Variants in HEXB observed in about 807,000 individuals in gnomAD.
The protein encoded by HEXB is beta-hexosaminidase subunit beta.
In HEXB, 51 loss-of-function variants were observed where a neutral mutation model predicts 71.2. The ratio of observed to expected loss-of-function variants is 0.72; its 90% confidence interval spans 0.57 to 0.90. The LOEUF is 0.90. HEXB is among the 40% of genes least tolerant of loss of function. The pLI, the probability that HEXB is intolerant of heterozygous loss-of-function variation, is 0.00. For missense variants in HEXB, 617 were observed against 677.0 expected, an observed-to-expected ratio of 0.91 and a Z score of 0.98; for synonymous variants, 266 against 249.3, an observed-to-expected ratio of 1.07 and a Z score of -0.63.
Position 74,685,446 on chromosome 5 carries a change from G to A in HEXB, c.186G>A (p.Leu62=), listed in dbSNP as rs1398822482. ...CGGCGCTGTGGCCCCTGCCGCTCTT[G>A]GTGAAGATGACCCCGAACCTGCTGC... ...PGPALWPLPL[L]VKMTPNLLHL... The change falls in exon 1 of 14, where the codon TTG becomes TTA. Residue 62 remains leucine, a synonymous_variant. Transcript: ENST00000261416. 3.7e-6 allele frequency: 6 copies of A among 1,611,294 alleles called. No individual in the cohort carries two copies. In the African/African-American group the frequency reaches 6.7e-5, roughly 18 times the overall value.
chr5:74,698,356 G>A (rs944203298), intron 5 of HEXB, among the ~76,000 whole-genome samples: 4 of 151,442 alleles, frequency 2.6e-5, no homozygotes, highest in African/African-American at 7.3e-5. Context: ...TTGCAGGTGT[G>A]AGCCACCGTG....
chr5:74,672,465 C>T (rs531699480), intron 1 of HEXB, among the ~76,000 whole-genome samples: 2 of 152,338 alleles, frequency 1.3e-5, no homozygotes, highest in Admixed American at 6.5e-5. Flanking sequence ...TCACTCCATG[C>T]CCCAGAGTCA....
intron 5 of HEXB, among the ~76,000 whole-genome samples, chr5:74,703,808 G>A (rs1462813895): frequency 1.3e-5 from 2 of 152,042 alleles, no homozygotes; most frequent in African/African-American, 2.4e-5. Context: ...TGGGACTACC[G>A]GCACTACCGG....
In HEXB at chr5:74,641,481, C is replaced by G. The variant is rs1747885809; in HGVS notation, c.-377+923C>G. The G allele has an allele frequency of 6.6e-6, 1 of 152,364 alleles. No individual in the cohort carries two copies. Among genetic ancestry groups the G allele is most frequent in the Non-Finnish European group, 1.5e-5 (1 of 68,148 alleles). The allele number at this position is 152,364 out of a possible 1,614,324, so 9.4% of individuals were successfully genotyped here. On this transcript the variant is annotated intron_variant, in intron 1 of 13. Transcript: ENST00000511181. This position sits in a 1 kb window ranked among gnomAD's most constrained non-coding sequence, Gnocchi z 4.1. ...GGGCGCAGTCCTGCGGGGCGCGCAC[C>G]ACGTGCTTTTCAGCCAATCGCCGCG... is the stretch of plus-strand genomic sequence containing the variant.
upstream of HEXB, among the ~76,000 whole-genome samples, chr5:74,684,974 G>T (rs2936918): frequency 1.3e-5 from 2 of 151,974 alleles, no homozygotes; most frequent in Non-Finnish European, 2.9e-5. Flanking sequence ...ACCACGTACG[G>T]CCAGCACCGG....
chr5:74,660,207 A>G (rs1381768562), intron 1 of HEXB, among the ~76,000 whole-genome samples: 2 of 152,182 alleles, frequency 1.3e-5, no homozygotes, highest in Admixed American at 1.3e-4. Context: ...GCCAAACTCT[A>G]ATTGTATCCC....
rs1749748430 is a variant in HEXB, at chr5:74,719,118, T to G, written c.1417+147T>G. ...CCTAGATATTACCTACCAACTATCTTTTATGTTTGATCCTTGATTTTATGT... is the reference window on the plus strand; with the variant it reads ...CCTAGATATTACCTACCAACTATCTGTTATGTTTGATCCTTGATTTTATGT... On this transcript the variant is annotated intron_variant, in intron 11 of 13. Coordinates refer to ENST00000261416, the MANE Select transcript of HEXB (RefSeq NM_000521.4). 3 of 747,322 alleles carry G rather than the reference T, an allele frequency of 4.0e-6. No homozygotes were observed. In the South Asian group the frequency reaches 4.5e-5, roughly 11 times the overall value. 46.3% of individuals were successfully genotyped at this position (747,322 alleles called of 1,614,324 possible). A position where few individuals can be genotyped will look rare whatever the true frequency, so the allele number is the denominator to read the frequency against.
intron 5 of HEXB, among the ~76,000 whole-genome samples, chr5:74,700,274 CT>C (rs1312335818): frequency 6.6e-6 from 1 of 151,708 alleles, no homozygotes; most frequent in African/African-American, 2.4e-5. Context: ...TCTCAGAGTG[CT>C]AGGATTACAG....
intron 1 of HEXB, among the ~76,000 whole-genome samples, chr5:74,674,921 C>G (rs1478675343): frequency 6.6e-6 from 1 of 152,148 alleles, no homozygotes; most frequent in Admixed American, 6.5e-5. Flanking sequence ...TTCCTCTTTT[C>G]CTCATTTCCC....
chr5:74,646,475 CTGCCTT>C (rs1478466682), intron 1 of HEXB, among the ~76,000 whole-genome samples: 1 of 152,104 alleles, frequency 6.6e-6, no homozygotes, highest in Non-Finnish European at 1.5e-5. Flanking sequence ...TTCATGGAGT[CTGCCTT>C]TGCCTTTTCC....
intron 13 of HEXB, 106 bp downstream of exon 13, chr5:74,720,853 G>T (rs1749823240): frequency 1.1e-6 from 1 of 932,990 alleles, no homozygotes; most frequent in Non-Finnish European, 1.7e-6. Context: ...GTAATTAGAA[G>T]AAACCAGGAA....
intron 1 of HEXB, among the ~76,000 whole-genome samples, chr5:74,673,195 G>A (rs1322465326): frequency 2.0e-5 from 3 of 152,224 alleles, no homozygotes; most frequent in Admixed American, 6.5e-5. Context: ...GCAAAGCAGG[G>A]AGAAATGCTT....
chr5:74,647,782 T>TTTTTTTTTTTCGC (rs1412987800), intron 1 of HEXB, among the ~76,000 whole-genome samples: 4 of 152,336 alleles, frequency 2.6e-5, no homozygotes, highest in Admixed American at 2.6e-4. Context: ...TTATGTCAGT[T>TTTTTTTTTTTCGC]TTCATACCCA....
chr5:74,686,587 G>A (rs892442122), intron 1 of HEXB, among the ~76,000 whole-genome samples: 2 of 152,190 alleles, frequency 1.3e-5, no homozygotes, highest in African/African-American at 2.4e-5. Flanking sequence ...AAGCTGCAGA[G>A]GCCCAAGATG....
At chr5:74,701,518 A>G (rs1240454811) in intron 5 of HEXB, among the ~76,000 whole-genome samples, 5 of 152,146 alleles carry the variant, frequency 3.3e-5, no homozygotes, top group Admixed American at 6.5e-5. Context: ...CTAAATTCCA[A>G]TAAATATGGA....
Position 74,720,832 on chromosome 5 carries a change from C to CCTAACAAATAGTAAT in HEXB, c.1613+86_1613+100dup, listed in dbSNP as rs559242133. The stretch of plus-strand genomic sequence containing the variant: ...TTGCTATAAATAGAAATGTATGTTA[C>CCTAACAAATAGTAAT]CTAACAAATAGTAATTAGAAGAAAC... On this transcript the variant is annotated intron_variant, in intron 13 of 13. Coordinates refer to ENST00000261416, the MANE Select transcript of HEXB (RefSeq NM_000521.4). 6.0e-3 allele frequency: 6,486 copies of CCTAACAAATAGTAAT among 1,074,110 alleles called. 37 individuals carry two copies. Among genetic ancestry groups the CCTAACAAATAGTAAT allele is most frequent in the Non-Finnish European group, 7.7e-3 (5,386 of 703,938 alleles). The allele number at this position is 1,074,110 out of a possible 1,614,324, so 66.5% of individuals were successfully genotyped here. A position where few individuals can be genotyped will look rare whatever the true frequency, so the allele number is the denominator to read the frequency against.
chr5:74,689,288 A>T (rs868671158), intron 1 of HEXB, 40 bp from the exon 2 acceptor site: 4 of 1,576,480 alleles, frequency 2.5e-6, no homozygotes, highest in Non-Finnish European at 3.5e-6. Flanking sequence ...AATTTGGCTA[A>T]AATCCTTCTA....
chr5:74,661,011 T>TGAGAGA (rs141154481), intron 1 of HEXB, among the ~76,000 whole-genome samples: 7 of 148,708 alleles, frequency 4.7e-5, no homozygotes, highest in African/African-American at 1.7e-4. Context: ...CATGGGTCAG[T>TGAGAGA]GAGAGAGAGA....
At chr5:74,673,113 T>C (rs1157693560) in intron 1 of HEXB, among the ~76,000 whole-genome samples, 2 of 152,218 alleles carry the variant, frequency 1.3e-5, no homozygotes, top group Non-Finnish European at 2.9e-5. Flanking sequence ...GGGAACAAGA[T>C]AGTGTGGATT....
Sources: allele counts gnomAD v4.1 joint callset (sites outside exome capture counted in the v4.1 genomes callset), GRCh38; gene constraint gnomAD v4.1.1; non-coding constraint Gnocchi (gnomAD v3.1); transcripts MANE v1.5; gene names NCBI Gene and HGNC (gene_info 2026-07-23, HGNC 2026-07-21).